The following RAB3IP variants were observed in gnomAD, a reference collection of about 807,000 sequenced individuals.
RAB3IP encodes the protein rab-3A-interacting protein.
In RAB3IP, 36 loss-of-function variants were observed where a neutral mutation model predicts 59.1. The observed-to-expected ratio is 0.61, with a 90% CI of 0.47 to 0.80. The LOEUF (loss-of-function observed/expected upper bound fraction) is 0.80. RAB3IP is among the 30% of genes least tolerant of loss of function. The probability of loss-of-function intolerance (pLI) is 0.00; values close to 1 mark genes in which losing one functional copy is unlikely to be tolerated. For missense variants in RAB3IP, 511 were observed against 536.0 expected (o/e 0.95, Z 0.46); for synonymous variants, 207 against 191.2 (o/e 1.08, Z -0.68).
rs142645541 is a variant in RAB3IP at position 69,818,746 on chromosome 12, A to G, written c.*3300A>G. 1 of 152,362 alleles carries G rather than the reference A, an allele frequency of 6.6e-6. No homozygotes were observed. The highest frequency in any genetic ancestry group is 6.5e-5 in the Admixed American group (1 of 15,306). 9.4% of individuals were successfully genotyped at this position (152,362 alleles called of 1,614,324 possible). A position where few individuals can be genotyped will look rare whatever the true frequency, so the allele number is the denominator to read the frequency against. On this transcript the variant is annotated 3_prime_UTR_variant, in exon 11 of 11. Coordinates refer to ENST00000247833, the MANE Select transcript of RAB3IP (RefSeq NM_022456.5). ...AAGTCAAGAACAACTAAAACTGAAC[A>G]GCTGTTTAGGCATTGACATATGTGA...
upstream of RAB3IP, chr12:69,738,773 G>A (rs1214653220): frequency 6.8e-6 from 1 of 147,184 alleles, no homozygotes; most frequent in Non-Finnish European, 1.5e-5. Context: ...GGCTCGCCCC[G>A]CCCCTGCCGG....
At position 69,823,087 on chromosome 12, in the gene RAB3IP, T is replaced by TA. The variant is rs1881934521; in HGVS notation, c.*7642dup. The stretch of plus-strand genomic sequence containing the variant: ...TGTTTGAGATGATGGATATGCTAAT[T>TA]ACCCTGATCTGATCACTACACATTA... On this transcript the variant is annotated 3_prime_UTR_variant, in exon 11 of 11. Coordinates refer to ENST00000247833, the MANE Select transcript of RAB3IP (RefSeq NM_022456.5). 6.6e-6 allele frequency: 1 copy of TA among 152,198 alleles called. No homozygotes were observed. The highest frequency in any genetic ancestry group is 2.1e-4 in the South Asian group (1 of 4,834). The allele number at this position is 152,198 out of a possible 1,614,324, so 9.4% of individuals were successfully genotyped here.
At position 69,819,796 on chromosome 12, in the gene RAB3IP, G is replaced by C. The variant is rs1881505677; in HGVS notation, c.*4350G>C. On this transcript the variant is annotated 3_prime_UTR_variant, in exon 11 of 11. Coordinates refer to ENST00000247833, the MANE Select transcript of RAB3IP (RefSeq NM_022456.5). ...TAATGGAGACAGCTCTGGATTGGGA[G>C]TCACTTAGACCTACATTCTGGTCTA... 6.6e-6 allele frequency: 1 copy of C among 152,206 alleles called. No individual in the cohort carries two copies. The highest frequency in any genetic ancestry group is 6.5e-5 in the Admixed American group (1 of 15,274). 9.4% of individuals were successfully genotyped at this position (152,206 alleles called of 1,614,324 possible).
chr12:69,756,815 G>A (rs1294873568), intron 3 of RAB3IP, 152 bp downstream of exon 3: 12 of 678,278 alleles, frequency 1.8e-5, no homozygotes, highest in Middle Eastern at 4.1e-4. Context: ...CAGCATTTAG[G>A]AATCCGTGAA....
At chr12:69,763,198 G>A (rs1322268846) in intron 3 of RAB3IP, among the ~76,000 whole-genome samples, 1 of 152,152 alleles carries the variant, frequency 6.6e-6, no homozygotes, top group Non-Finnish European at 1.5e-5. Context: ...GGATTGCAAG[G>A]TGTATGCCTA....
At chr12:69,760,056 C>T (rs913681367) in intron 3 of RAB3IP, among the ~76,000 whole-genome samples, 15 of 152,220 alleles carry the variant, frequency 9.9e-5, no homozygotes, top group African/African-American at 1.7e-4. Context: ...TGTAGCTAGC[C>T]GAGATCATGC....
rs1445721787 is a variant in RAB3IP, at chr12:69,807,788, G to A, written c.1131-4990G>A. ...GGGCAGAGGCGCTCCTCACCTCCCA[G>A]ATGATGGGCAGCCAGGCAGAGGCGC... On this transcript the variant is annotated intron_variant, in intron 8 of 10. Transcript: ENST00000247833. 4.9e-5 allele frequency among the ~76,000 whole-genome samples: 7 copies of A among 143,660 alleles called. No individual in the cohort carries two copies. The East Asian group carries it at 1.5e-3, about 32-fold the overall frequency. The allele number at this position is 143,660 out of a possible 152,430, so 94.2% of individuals were successfully genotyped here.
chr12:69,751,085 A>G (rs1005419087), intron 1 of RAB3IP, among the ~76,000 whole-genome samples: 3 of 152,158 alleles, frequency 2.0e-5, no homozygotes, highest in African/African-American at 7.2e-5. Context: ...TTTATTTACC[A>G]ATTTTGAAAA....
chr12:69,814,195 A>G (rs968344126), intron 10 of RAB3IP, among the ~76,000 whole-genome samples: 3 of 152,214 alleles, frequency 2.0e-5, no homozygotes, highest in African/African-American at 7.2e-5. Context: ...CAAGAATATA[A>G]TATTTTTCTG....
intron 3 of RAB3IP, among the ~76,000 whole-genome samples, chr12:69,763,234 A>G (rs1338996394): frequency 6.6e-6 from 1 of 152,206 alleles, no homozygotes; most frequent in Non-Finnish European, 1.5e-5. Flanking sequence ...AACTCTCACA[A>G]AATTGCCCTT....
At chr12:69,803,668 C>T (rs970678884) in intron 8 of RAB3IP, among the ~76,000 whole-genome samples, 1 of 151,962 alleles carries the variant, frequency 6.6e-6, no homozygotes, top group Non-Finnish European at 1.5e-5. Flanking sequence ...CCACAACAGT[C>T]CCCGGTGTGT....
chr12:69,794,405 G>T, intron 4 of RAB3IP, 32 bp from the exon 5 acceptor site: 2 of 1,568,630 alleles, frequency 1.3e-6, no homozygotes, highest in Non-Finnish European at 8.7e-7. Context: ...ATGCTACTTT[G>T]TTTCTAAAAT....
chr12:69,803,595 C>T (rs994651188), intron 8 of RAB3IP, among the ~76,000 whole-genome samples: 1 of 151,852 alleles, frequency 6.6e-6, no homozygotes, highest in Non-Finnish European at 1.5e-5. Flanking sequence ...GTGCTGCACC[C>T]ATTAACTCAT....
intron 6 of RAB3IP, among the ~76,000 whole-genome samples, chr12:69,797,033 G>A (rs576817053): frequency 6.6e-6 from 1 of 152,250 alleles, no homozygotes; most frequent in East Asian, 1.9e-4. Flanking sequence ...GTCTTACTAG[G>A]CAAAGGAATT....
chr12:69,808,053 C>G (rs1357827686), intron 8 of RAB3IP, among the ~76,000 whole-genome samples: 3 of 152,234 alleles, frequency 2.0e-5, no homozygotes, highest in Non-Finnish European at 4.4e-5. Flanking sequence ...CCTCTACACA[C>G]TGCTTTGAAT....
intron 6 of RAB3IP, 107 bp from the exon 7 acceptor site, chr12:69,800,102 T>A (rs1006510802): frequency 1.2e-6 from 1 of 834,384 alleles, no homozygotes; most frequent in Non-Finnish European, 1.7e-6. Context: ...TTATTTTAAA[T>A]GAAGAGCTTT....
At chr12:69,773,170 T>C (rs572803721) in intron 3 of RAB3IP, among the ~76,000 whole-genome samples, 2 of 152,264 alleles carry the variant, frequency 1.3e-5, no homozygotes, top group South Asian at 4.1e-4. Context: ...CCAGGCATAT[T>C]GGAATTCTTT....
intron 4 of RAB3IP, among the ~76,000 whole-genome samples, chr12:69,788,629 C>G (rs1289496361): frequency 6.6e-6 from 1 of 152,092 alleles, no homozygotes; most frequent in Non-Finnish European, 1.5e-5. Context: ...ATACCACAGT[C>G]TCTCTAATGA....
rs61758771 is a variant in RAB3IP at position 69,795,292 on chromosome 12, G to T, written c.836G>T (p.Gly279Val). ...AAAAGCACAAGCAGTGCTATGAGTG[G>T]CAGTCATCAGGACCTCAGTGTGATA... is the stretch of plus-strand genomic sequence containing the variant. Reference protein sequence around the residue: ...RNKSTSSAMSGSHQDLSVIQP... With the variant: ...RNKSTSSAMSVSHQDLSVIQP... Residue 279 changes from glycine to valine, a missense_variant, in exon 6 of 11, where the codon GGC (glycine) becomes GTC (valine). Gly to Val is a moderately radical substitution (Grantham distance 109). Coordinates refer to ENST00000247833, the MANE Select transcript of RAB3IP (RefSeq NM_022456.5). 60 of 1,613,960 alleles carry T rather than the reference G, an allele frequency of 3.7e-5. 1 individual carries two copies. The highest frequency in any genetic ancestry group is 4.9e-5 in the Non-Finnish European group (58 of 1,179,992).
Sources: allele counts gnomAD v4.1 joint callset (sites outside exome capture counted in the v4.1 genomes callset), GRCh38; gene constraint gnomAD v4.1.1; transcripts MANE v1.5; gene names NCBI Gene and HGNC (gene_info 2026-07-23, HGNC 2026-07-21).